MIER1: variants seen among roughly 807,000 people sequenced by gnomAD.
The protein encoded by MIER1 is MIER1 transcriptional regulator.
In MIER1, 40 loss-of-function variants were observed where a neutral mutation model predicts 75.7. The observed-to-expected ratio is 0.53, with a 90% CI of 0.41 to 0.69. The LOEUF (loss-of-function observed/expected upper bound fraction) is 0.69, where lower values mean the gene tolerates loss of function less well. Among genes scored for constraint, MIER1 ranks in the 30% least tolerant of loss-of-function variants. The pLI, the probability that MIER1 is intolerant of heterozygous loss-of-function variation, is 0.00. For missense variants in MIER1, 574 were observed against 680.2 expected, an observed-to-expected ratio of 0.84 and a Z score of 1.74; for synonymous variants, 213 against 223.4, an observed-to-expected ratio of 0.95 and a Z score of 0.42.
At chr1:66,955,824 G>A (rs1373000876) in intron 4 of MIER1, among the ~76,000 whole-genome samples, 1 of 152,014 alleles carries the variant, frequency 6.6e-6, no homozygotes, top group Non-Finnish European at 1.5e-5. Flanking sequence ...GTGATCAGTT[G>A]CTAAACTTGC....
chr1:66,975,971 C>A (rs985512560), intron 11 of MIER1, among the ~76,000 whole-genome samples: 1 of 149,884 alleles, frequency 6.7e-6, no homozygotes, highest in Non-Finnish European at 1.5e-5. Flanking sequence ...AACATGAATG[C>A]CACTTCCAGG....
intron 8 of MIER1, among the ~76,000 whole-genome samples, chr1:66,965,257 T>G (rs1225232763): frequency 6.6e-6 from 1 of 152,156 alleles, no homozygotes; most frequent in African/African-American, 2.4e-5. Flanking sequence ...TTTACTCGTA[T>G]AGTAGTTAGC....
chr1:66,952,672 C>T (rs192027556), intron 4 of MIER1, among the ~76,000 whole-genome samples: 1 of 152,320 alleles, frequency 6.6e-6, no homozygotes. Flanking sequence ...GACAGGGTCT[C>T]ACTTTGTCAC....
intron 3 of MIER1, among the ~76,000 whole-genome samples, chr1:66,944,064 T>C (rs532663847): frequency 1.3e-5 from 2 of 152,100 alleles, no homozygotes; most frequent in Non-Finnish European, 2.9e-5. Flanking sequence ...ATTGAGATAA[T>C]GTATATGACA....
chr1:66,984,566 A>C lies in MIER1; in HGVS notation c.1370-6A>C. On this transcript the variant is annotated splice_polypyrimidine_tract_variant and splice_region_variant and intron_variant, in intron 13 of 13. Coordinates refer to ENST00000401041, the MANE Select transcript of MIER1 (RefSeq NM_001077700.3). ...TGTGGTTTCATTTATATTTCTTTCA[A>C]CTTAGGAGTGTCATCTAATGGACCA... 1.3e-6 allele frequency: 2 copies of C among 1,569,254 alleles called. No individual in the cohort carries two copies. Among genetic ancestry groups the C allele is most frequent in the Non-Finnish European group, 1.7e-6 (2 of 1,159,664 alleles).
chr1:66,985,002 G>GA lies in MIER1; in HGVS notation c.*106dup. ...AAAGTTGATTTCCTTGAAGCAGTTT[G>GA]AAAATTTGAATTGAGTCTTAACTTT... On this transcript the variant is annotated 3_prime_UTR_variant, in exon 14 of 14. Coordinates refer to ENST00000401041, the MANE Select transcript of MIER1 (RefSeq NM_001077700.3). 1 of 1,427,142 alleles carries GA rather than the reference G, an allele frequency of 7.0e-7. No homozygotes were observed. The highest frequency in any genetic ancestry group is 9.2e-7 in the Non-Finnish European group (1 of 1,090,986). The allele number at this position is 1,427,142 out of a possible 1,614,324, so 88.4% of individuals were successfully genotyped here.
intron 2 of MIER1, chr1:66,930,488 A>AGGCCC: frequency 7.2e-7 from 1 of 1,383,880 alleles, no homozygotes; most frequent in Non-Finnish European, 9.9e-7. Context: ...TGGCCAGGAG[A>AGGCCC]GGCCCGGCCC....
Position 66,987,562 on chromosome 1 carries a change from G to T in MIER1, c.*2662G>T, listed in dbSNP as rs1045234485. The stretch of plus-strand genomic sequence containing the variant: ...AATAGGCATTTAAAATTTCAAATTA[G>T]ATGTTAAATTTATGCATAGTAATTT... On this transcript the variant is annotated 3_prime_UTR_variant, in exon 14 of 14. Transcript: ENST00000401041. 4 of 152,574 alleles carry T rather than the reference G, an allele frequency of 2.6e-5. No individual in the cohort carries two copies. The highest frequency in any genetic ancestry group is 5.9e-5 in the Non-Finnish European group (4 of 67,974). 9.5% of individuals were successfully genotyped at this position (152,574 alleles called of 1,614,324 possible).
At chr1:66,956,890 C>T (rs1660241198) in intron 4 of MIER1, among the ~76,000 whole-genome samples, 2 of 152,178 alleles carry the variant, frequency 1.3e-5, no homozygotes, top group African/African-American at 4.8e-5. Flanking sequence ...TTGAGTGATG[C>T]AGGTTAATTG....
At chr1:66,963,468 T>C (rs1172063754) in intron 8 of MIER1, among the ~76,000 whole-genome samples, 1 of 152,244 alleles carries the variant, frequency 6.6e-6, no homozygotes, top group Non-Finnish European at 1.5e-5. Context: ...CTCTAAACTT[T>C]AACCCTTCTC....
Position 66,933,189 on chromosome 1 carries a change from AG to A in MIER1, c.169-6838del, listed in dbSNP as rs1237512886. 2.6e-5 allele frequency among the ~76,000 whole-genome samples: 4 copies of A among 152,302 alleles called. No homozygotes were observed. In the East Asian group the frequency reaches 5.8e-4, roughly 22 times the overall value. ...TTGAAGGAAATTACAGGATAGTTGC[AG>A]TTTTACTAACTGCAAAAATAAGAGG... On this transcript the variant is annotated intron_variant, in intron 2 of 13. Transcript: ENST00000401041.
intron 11 of MIER1, among the ~76,000 whole-genome samples, chr1:66,974,639 A>G (rs1031268301): frequency 6.6e-6 from 1 of 152,140 alleles, no homozygotes; most frequent in Non-Finnish European, 1.5e-5. Context: ...CATAAGTATT[A>G]AAAGTATAAC....
intron 2 of MIER1, chr1:66,930,502 T>A: frequency 8.1e-7 from 1 of 1,234,766 alleles, no homozygotes; most frequent in Non-Finnish European, 1.1e-6. Flanking sequence ...CCGGCCCTGC[T>A]GGCGCCGCTG....
Position 66,986,289 on chromosome 1 carries a change from CATTTT to C in MIER1, c.*1395_*1399del. 1 of 1,464,872 alleles carries C rather than the reference CATTTT, an allele frequency of 6.8e-7. No homozygotes were observed. The highest frequency in any genetic ancestry group is 9.0e-7 in the Non-Finnish European group (1 of 1,115,226). The allele number at this position is 1,464,872 out of a possible 1,614,324, so 90.7% of individuals were successfully genotyped here. ...CATCTGCATAGCCTTGTAAAAGTGC[CATTTT>C]ATTTTTAGTGCTAAATTCTTGTTAA... On this transcript the variant is annotated 3_prime_UTR_variant, in exon 14 of 14. Transcript: ENST00000401041.
At chr1:66,955,344 T>TTG (rs1216834397) in intron 4 of MIER1, among the ~76,000 whole-genome samples, 5 of 137,596 alleles carry the variant, frequency 3.6e-5, no homozygotes, top group African/African-American at 1.1e-4. Flanking sequence ...GAGTTTTTTT[T>TTG]TTTTTTTTTT....
At chr1:66,958,785 G>A (rs574273767) in intron 5 of MIER1, 66 bp from the exon 6 acceptor site, 1 of 1,335,870 alleles carries the variant, frequency 7.5e-7, no homozygotes, top group South Asian at 1.3e-5. Flanking sequence ...AAATTTATAT[G>A]CTATGGTCTT....
At chr1:66,976,574 G>A in intron 11 of MIER1, 21 bp from the exon 12 acceptor site, 1 of 1,539,868 alleles carries the variant, frequency 6.5e-7, no homozygotes, top group Admixed American at 2.2e-5. Context: ...ATTCTTAAAA[G>A]CAAGCATTTG....
At chr1:66,965,609 A>G (rs922498577) in intron 8 of MIER1, among the ~76,000 whole-genome samples, 1 of 152,214 alleles carries the variant, frequency 6.6e-6, no homozygotes, top group African/African-American at 2.4e-5. Flanking sequence ...TAACAACCAC[A>G]TCATGGCAAA....
intron 3 of MIER1, among the ~76,000 whole-genome samples, chr1:66,944,190 G>A (rs1285152921): frequency 2.6e-5 from 4 of 151,878 alleles, no homozygotes; most frequent in Admixed American, 6.6e-5. Context: ...CATAATAGTC[G>A]GATTTTCAAG....
Sources: allele counts gnomAD v4.1 joint callset (sites outside exome capture counted in the v4.1 genomes callset), GRCh38; gene constraint gnomAD v4.1.1; transcripts MANE v1.5; gene names NCBI Gene and HGNC (gene_info 2026-07-23, HGNC 2026-07-21).